LRFN2: variants seen among roughly 807,000 people sequenced by gnomAD.
The protein encoded by LRFN2 is leucine rich repeat and fibronectin type III domain containing 2, also known as leucine-rich repeat and fibronectin type-III domain-containing protein 2.
In LRFN2, 18 loss-of-function variants were observed where a neutral mutation model predicts 37.3. The ratio of observed to expected loss-of-function variants is 0.48; its 90% CI spans 0.33 to 0.72. The LOEUF (loss-of-function observed/expected upper bound fraction) is 0.72, where lower values mean the gene tolerates loss of function less well. Ranked by LOEUF, LRFN2 falls within the 30% of genes least tolerant of loss-of-function variation. The pLI, the probability that LRFN2 is intolerant of heterozygous loss-of-function variation, is 0.02. For synonymous variants in LRFN2, 556 were observed against 466.6 expected, an observed-to-expected ratio of 1.19 and a Z score of -2.47; for missense variants, 1,006 against 1,060.7, an observed-to-expected ratio of 0.95 and a Z score of 0.72.
At chr6:40,571,140 GT>G (rs775054108) in intron 1 of LRFN2, among the ~76,000 whole-genome samples, 10 of 152,212 alleles carry the variant, frequency 6.6e-5, no homozygotes, top group Admixed American at 3.9e-4. Flanking sequence ...CATTATAATT[GT>G]TTGTTTACCT....
At chr6:40,579,249 T>C (rs1322070433) in intron 1 of LRFN2, among the ~76,000 whole-genome samples, 1 of 152,214 alleles carries the variant, frequency 6.6e-6, no homozygotes, top group Non-Finnish European at 1.5e-5. Context: ...CAGGATTTAA[T>C]GTCTATTCCA....
intron 2 of LRFN2, 117 bp from the exon 3 acceptor site, chr6:40,393,029 G>T (rs1762547260): frequency 1.4e-6 from 1 of 708,278 alleles, no homozygotes; most frequent in Admixed American, 2.7e-5. Flanking sequence ...GGGGAGGGAG[G>T]CCAAGACAGA....
chr6:40,467,767 T>A (rs1289096930), intron 1 of LRFN2, among the ~76,000 whole-genome samples: 1 of 152,110 alleles, frequency 6.6e-6, no homozygotes, highest in Non-Finnish European at 1.5e-5. Context: ...ATATAGCCTG[T>A]CTTCAGGGGA....
intron 1 of LRFN2, among the ~76,000 whole-genome samples, chr6:40,561,413 T>C (rs1168683487): frequency 1.3e-5 from 2 of 152,144 alleles, no homozygotes; most frequent in Non-Finnish European, 2.9e-5. Flanking sequence ...GGGACTGATC[T>C]GGGAATAGAA....
intron 1 of LRFN2, among the ~76,000 whole-genome samples, chr6:40,463,046 T>C (rs1764379575): frequency 6.6e-6 from 1 of 152,196 alleles, no homozygotes; most frequent in Non-Finnish European, 1.5e-5. Flanking sequence ...CTCATCTCCT[T>C]CCTGCTGGCT....
chr6:40,522,321 T>A (rs1247079344), intron 1 of LRFN2, among the ~76,000 whole-genome samples: 1 of 152,132 alleles, frequency 6.6e-6, no homozygotes, highest in Non-Finnish European at 1.5e-5. Flanking sequence ...AGTTGGGGTA[T>A]TTGAGTGGGA....
chr6:40,470,664 A>T (rs757386689), intron 1 of LRFN2, among the ~76,000 whole-genome samples: 1 of 151,806 alleles, frequency 6.6e-6, no homozygotes, highest in Non-Finnish European at 1.5e-5. Context: ...TCCCCGATGG[A>T]AAGAGGAGCT....
intron 1 of LRFN2, among the ~76,000 whole-genome samples, chr6:40,457,223 A>C (rs553114716): frequency 6.6e-6 from 1 of 152,252 alleles, no homozygotes; most frequent in East Asian, 1.9e-4. Context: ...GTATATTTTA[A>C]GAGTTTTTTC....
intron 1 of LRFN2, among the ~76,000 whole-genome samples, chr6:40,540,641 A>G (rs1221948467): frequency 6.6e-6 from 1 of 152,134 alleles, no homozygotes; most frequent in Non-Finnish European, 1.5e-5. Flanking sequence ...TATCGTTGAG[A>G]GCAGAAAACA....
chr6:40,449,083 T>A (rs1764041195), intron 1 of LRFN2, among the ~76,000 whole-genome samples: 1 of 152,184 alleles, frequency 6.6e-6, no homozygotes, highest in African/African-American at 2.4e-5. Flanking sequence ...TCTTCCCTAG[T>A]AAGAATCCCC....
chr6:40,573,927 C>G (rs1364368178), intron 1 of LRFN2, among the ~76,000 whole-genome samples: 1 of 152,194 alleles, frequency 6.6e-6, no homozygotes, highest in Non-Finnish European at 1.5e-5. Context: ...CGCCATTGCA[C>G]TGCAGCCTGG....
chr6:40,395,123 C>A (rs1419374117), intron 2 of LRFN2, among the ~76,000 whole-genome samples: 1 of 152,032 alleles, frequency 6.6e-6, no homozygotes, highest in Non-Finnish European at 1.5e-5. Flanking sequence ...CCCCACAGGT[C>A]TATCTGAAGA....
chr6:40,459,228 C>T (rs1204390060), intron 1 of LRFN2, among the ~76,000 whole-genome samples: 1 of 152,160 alleles, frequency 6.6e-6, no homozygotes, highest in African/African-American at 2.4e-5. Context: ...TCTCATTTCC[C>T]CCAAGAATCC....
intron 1 of LRFN2, among the ~76,000 whole-genome samples, chr6:40,441,201 C>T (rs568187054): frequency 1.5e-4 from 23 of 152,260 alleles, no homozygotes; most frequent in African/African-American, 4.3e-4. Flanking sequence ...CGGCACTCGC[C>T]GTCTGTTGTC....
In LRFN2 at chr6:40,433,072, C is replaced by T. The variant is rs774848570; in HGVS notation, c.42G>A (p.Ala14=). The change falls in exon 2 of 3, where the codon GCG becomes GCA. Residue 14 remains alanine, a synonymous_variant. Transcript: ENST00000338305. ...LLGGLLAFGM[A]FAVVDACPKY... ...TGGGGCAGGCGTCGACCACGGCAAA[C>T]GCCATGCCAAACGCTAGCAGGCCAC... 3.5e-5 allele frequency: 53 copies of T among 1,536,220 alleles called. No homozygotes were observed. The Middle Eastern group carries it at 8.8e-4, about 25-fold the overall frequency.
intron 1 of LRFN2, among the ~76,000 whole-genome samples, chr6:40,442,944 C>G (rs982746354): frequency 1.3e-5 from 2 of 152,196 alleles, no homozygotes; most frequent in African/African-American, 2.4e-5. Flanking sequence ...AGTTATCACC[C>G]TGCCCTGTTA....
intron 1 of LRFN2, among the ~76,000 whole-genome samples, chr6:40,484,135 A>G (rs1764897401): frequency 6.6e-6 from 1 of 152,196 alleles, no homozygotes; most frequent in Non-Finnish European, 1.5e-5. Context: ...ACCTCTGCTT[A>G]GCAGTGAGAC....
At chr6:40,409,255 T>A (rs2113803587) in intron 2 of LRFN2, among the ~76,000 whole-genome samples, 1 of 152,306 alleles carries the variant, frequency 6.6e-6, no homozygotes, top group African/African-American at 2.4e-5. Context: ...AGAAGCTGTA[T>A]CATAAGAAGG....
chr6:40,557,667 C>G (rs947672020), intron 1 of LRFN2, among the ~76,000 whole-genome samples: 1 of 152,174 alleles, frequency 6.6e-6, no homozygotes, highest in Non-Finnish European at 1.5e-5. Flanking sequence ...CATCCAAAAG[C>G]TCAGAGATGG....
Sources: gnomAD v4.1 joint callset for allele counts (sites outside exome capture counted in the v4.1 genomes callset) on GRCh38, gnomAD v4.1.1 for gene constraint, MANE v1.5 for transcripts, NCBI Gene and HGNC (gene_info 2026-07-23, HGNC 2026-07-21) for gene names.